LYZL2: variants seen among roughly 807,000 people sequenced by gnomAD.
LYZL2 encodes lysozyme-like protein 2.
Under a neutral mutation model 17.1 loss-of-function variants are expected in LYZL2, and 13 were observed. The ratio of observed to expected loss-of-function variants is 0.76; its 90% confidence interval spans 0.49 to 1.21. The LOEUF is 1.21. LYZL2 is among the 50% of genes most tolerant of loss of function. LYZL2 has a pLI of 0.00. For missense variants in LYZL2, 166 were observed against 189.2 expected (o/e 0.88, Z 0.72); for synonymous variants, 63 against 74.4 (o/e 0.85, Z 0.79).
At chr10:30,619,923 T>C (rs1588675958) in intron 3 of LYZL2, among the ~76,000 whole-genome samples, 3 of 152,280 alleles carry the variant, frequency 2.0e-5, no homozygotes, top group South Asian at 4.1e-4. Flanking sequence ...GTTAAAAAGC[T>C]GGAAAAATTC....
chr10:30,608,800 CAT>C (rs1317790641), downstream of LYZL2, among the ~76,000 whole-genome samples: 2 of 152,168 alleles, frequency 1.3e-5, no homozygotes, highest in Non-Finnish European at 2.9e-5. Context: ...TGTGATTCCA[CAT>C]GTGTCCAGTG....
chr10:30,615,902 T>C (rs389894), intron 3 of LYZL2, among the ~76,000 whole-genome samples: 125,963 of 152,002 alleles, frequency 0.83, 52,854 homozygotes, highest in African/African-American at 0.92. Context: ...AAAAAGATAG[T>C]CATTAATTCA....
chr10:30,623,491 T>G (rs1838656240), intron 3 of LYZL2, among the ~76,000 whole-genome samples: 1 of 152,178 alleles, frequency 6.6e-6, no homozygotes. Context: ...CATCTGTATT[T>G]ACAGACCCTC....
chr10:30,629,096 A>C (rs1380867973), intron 1 of LYZL2, among the ~76,000 whole-genome samples: 1 of 152,232 alleles, frequency 6.6e-6, no homozygotes, highest in Non-Finnish European at 1.5e-5. Context: ...AACGAGGTTT[A>C]AGATGCAGAG....
At chr10:30,625,519 A>ACC (rs1554786304) in intron 3 of LYZL2, among the ~76,000 whole-genome samples, 1 of 151,716 alleles carries the variant, frequency 6.6e-6, no homozygotes, top group African/African-American at 2.4e-5. Context: ...CCACAGACAG[A>ACC]CTGTCTCTAC....
downstream of LYZL2, among the ~76,000 whole-genome samples, chr10:30,609,401 GTT>G: frequency 6.6e-6 from 1 of 152,312 alleles, no homozygotes; most frequent in East Asian, 1.9e-4. Flanking sequence ...CAACCTCCAA[GTT>G]TGGGAAAAAC....
At chr10:30,628,083 C>A (rs1416073314) in intron 1 of LYZL2, among the ~76,000 whole-genome samples, 1 of 152,068 alleles carries the variant, frequency 6.6e-6, no homozygotes, top group Non-Finnish European at 1.5e-5. Context: ...TGGCGTGAAC[C>A]CAGGAGGCTG....
At chr10:30,621,696 A>T (rs1838622275) in intron 3 of LYZL2, among the ~76,000 whole-genome samples, 1 of 152,232 alleles carries the variant, frequency 6.6e-6, no homozygotes, top group African/African-American at 2.4e-5. Flanking sequence ...ATTTTCAGAC[A>T]GAAAGAATGC....
chr10:30,628,047 C>G (rs998961441), intron 1 of LYZL2, among the ~76,000 whole-genome samples: 4 of 152,104 alleles, frequency 2.6e-5, no homozygotes, highest in African/African-American at 9.7e-5. Flanking sequence ...GTAGTCCCAG[C>G]TGCTCGGGAG....
At chr10:30,611,739 A>C, downstream of LYZL2, 1 of 465,858 alleles carries the variant, frequency 2.1e-6, no homozygotes, top group Non-Finnish European at 3.4e-6. Flanking sequence ...AAAGAAAGGA[A>C]AGAAAGAAAG....
At chr10:30,624,114 G>A (rs188611075) in intron 3 of LYZL2, among the ~76,000 whole-genome samples, 11 of 152,234 alleles carry the variant, frequency 7.2e-5, no homozygotes, top group African/African-American at 2.6e-4. Context: ...GAGAGAGGGT[G>A]CATGGGAGCT....
intron 1 of LYZL2, among the ~76,000 whole-genome samples, chr10:30,628,161 A>G (rs1012281537): frequency 1.1e-4 from 17 of 150,454 alleles, no homozygotes; most frequent in Admixed American, 9.9e-4. Flanking sequence ...CTCCGCCTCA[A>G]AAAAAAAAAG....
intron 3 of LYZL2, among the ~76,000 whole-genome samples, chr10:30,618,537 G>A (rs927903030): frequency 6.6e-6 from 1 of 152,128 alleles, no homozygotes; most frequent in Non-Finnish European, 1.5e-5. Context: ...CTACAACTAT[G>A]TGATCTTTGA....
rs150609822 is a variant in LYZL2 at position 30,626,794 on chromosome 10, C to A, written c.122G>T (p.Gly41Val). 1.2e-5 allele frequency: 20 copies of A among 1,614,128 alleles called. No individual in the cohort carries two copies. The highest frequency in any genetic ancestry group is 1.7e-5 in the Admixed American group (1 of 60,014). The part of the protein sequence containing the change: ...FSRAGLDNYW[G>V]FSLGNWICMA... The stretch of plus-strand genomic sequence containing the variant: ...AATCTCACAGTTTCCAAGGCTGAAG[C>A]CCCAGTAATTGTCCAGGCCAGCCCT... The change falls in exon 2 of 5, where the codon GGC becomes GTC. Residue 41 changes from glycine (G) to valine (V), a missense_variant. By Grantham distance (109) the Gly-to-Val change is moderately radical (BLOSUM62 -3). Transcript: ENST00000647634.
chr10:30,608,780 G>A (rs148652008), downstream of LYZL2, among the ~76,000 whole-genome samples: 3 of 152,300 alleles, frequency 2.0e-5, no homozygotes, highest in East Asian at 5.8e-4. Context: ...GGTCTGATTT[G>A]TATTCCTTCT....
Position 30,612,873 on chromosome 10 carries a change from G to T in LYZL2, c.326C>A (p.Ala109Glu). The T allele has an allele frequency of 6.2e-7, 1 of 1,613,688 alleles. No individual in the cohort carries two copies. Among genetic ancestry groups the T allele is most frequent in the Non-Finnish European group, 8.5e-7 (1 of 1,179,682 alleles). ...AACAATTTTCTTGGCACAGATAATC[G>T]CATCTGTGAGGTCATCAGTGACCAA... ...SALVTDDLTDAIICAKKIVKE... is the reference protein window; with the variant it reads ...SALVTDDLTDEIICAKKIVKE... The change falls in exon 4 of 5, where the codon GCG becomes GAG. Residue 109 changes from alanine (A) to glutamate (E), a missense_variant. Ala to Glu is a moderately radical substitution (Grantham distance 107). Coordinates refer to ENST00000647634, the MANE Select transcript of LYZL2 (RefSeq NM_183058.3).
At chr10:30,617,104 G>T (rs1202548879) in intron 3 of LYZL2, among the ~76,000 whole-genome samples, 3 of 152,248 alleles carry the variant, frequency 2.0e-5, no homozygotes, top group Admixed American at 6.5e-5. Flanking sequence ...TGTCTCTAGG[G>T]GTTGGAGAGA....
intron 3 of LYZL2, among the ~76,000 whole-genome samples, chr10:30,615,929 G>C (rs1346592332): frequency 6.6e-6 from 1 of 151,928 alleles, no homozygotes; most frequent in Non-Finnish European, 1.5e-5. Context: ...TTTTAAGAAA[G>C]ATTGGCTCTT....
At position 30,629,672 on chromosome 10, in the gene LYZL2, T is replaced by A; in HGVS notation, c.-105A>T. 6.2e-7 allele frequency: 1 copy of A among 1,614,050 alleles called. No individual in the cohort carries two copies. Among genetic ancestry groups the A allele is most frequent in the South Asian group, 1.1e-5 (1 of 91,080 alleles). ...GCGGAAGAAACACTGCTCCACTTAG[T>A]CGGTGACAGGCAGCTCAGGGGAGCG... On this transcript the variant is annotated 5_prime_UTR_variant, in exon 1 of 5. Coordinates refer to ENST00000647634, the MANE Select transcript of LYZL2 (RefSeq NM_183058.3).
Sources: allele counts gnomAD v4.1 joint callset (sites outside exome capture counted in the v4.1 genomes callset), GRCh38; gene constraint gnomAD v4.1.1; transcripts MANE v1.5; gene names NCBI Gene and HGNC (gene_info 2026-07-23, HGNC 2026-07-21).